Variants in HORMAD2 observed in about 807,000 individuals in gnomAD.
HORMAD2 encodes the protein HORMA domain containing 2.
A neutral mutation model predicts 38.8 loss-of-function variants in HORMAD2; 45 were observed. The ratio of observed to expected loss-of-function variants is 1.16; its 90% CI spans 0.91 to 1.49. HORMAD2 has a LOEUF of 1.49. Among genes scored for constraint, HORMAD2 ranks in the 40% most tolerant of loss-of-function variants. HORMAD2 has a pLI of 0.00. For missense variants in HORMAD2, 338 were observed against 367.0 expected (o/e 0.92, Z 0.65); for synonymous variants, 126 against 122.8 (o/e 1.03, Z -0.17).
chr22:30,199,405 G>T, the HORMAD2 span, among the ~76,000 whole-genome samples: 1 of 152,186 alleles, frequency 6.6e-6, no homozygotes, highest in Non-Finnish European at 1.5e-5. Context: ...TAGAAATGAC[G>T]TTCTGTGCTG....
At chr22:30,140,194 G>A (rs1015076203) in intron 10 of HORMAD2, among the ~76,000 whole-genome samples, 2 of 152,128 alleles carry the variant, frequency 1.3e-5, no homozygotes, top group African/African-American at 2.4e-5. Context: ...AACCTGGGAA[G>A]CAGAGGTTGC....
At chr22:30,105,829 A>G (rs553731699) in intron 5 of HORMAD2, among the ~76,000 whole-genome samples, 5 of 152,196 alleles carry the variant, frequency 3.3e-5, no homozygotes, top group Non-Finnish European at 5.9e-5. Flanking sequence ...CCCCATCAAT[A>G]TCCTCCCCAT....
chr22:30,204,903 C>G, the HORMAD2 span, among the ~76,000 whole-genome samples: 1 of 152,180 alleles, frequency 6.6e-6, no homozygotes, highest in African/African-American at 2.4e-5. Context: ...TTGGCACGAG[C>G]TCTGAGAGCC....
At chr22:30,079,719 G>T (rs1269744077), upstream of HORMAD2, among the ~76,000 whole-genome samples, 2 of 151,838 alleles carry the variant, frequency 1.3e-5, no homozygotes, top group South Asian at 2.1e-4. Flanking sequence ...TCGCTCTGTC[G>T]CCCAGGCTGG....
chr22:30,206,862 G>A, the HORMAD2 span: 2 of 324,098 alleles, frequency 6.2e-6, no homozygotes, highest in South Asian at 4.8e-5. Context: ...GCTTCCACCA[G>A]GGCCACTGTG....
the HORMAD2 span, chr22:30,192,331 A>T: frequency 6.6e-6 from 1 of 152,344 alleles, no homozygotes; most frequent in Non-Finnish European, 1.5e-5. Flanking sequence ...GGAGGGAGTG[A>T]ATTTTGAGCT....
At chr22:30,171,489 AATATATC>A (rs919137109) in intron 10 of HORMAD2, among the ~76,000 whole-genome samples, 2 of 152,208 alleles carry the variant, frequency 1.3e-5, no homozygotes, top group Admixed American at 1.3e-4. Context: ...CTACCTGCCA[AATATATC>A]TCTCAATTTT....
intron 10 of HORMAD2, chr22:30,137,661 C>T (rs1395430687): frequency 6.3e-6 from 1 of 159,602 alleles, no homozygotes; most frequent in Non-Finnish European, 1.4e-5. Flanking sequence ...TCATAAAGTG[C>T]TTGTTCTTGC....
chr22:30,104,498 G>T (rs1921040448), intron 5 of HORMAD2, 61 bp downstream of exon 5: 2 of 1,349,958 alleles, frequency 1.5e-6, no homozygotes, highest in Non-Finnish European at 2.1e-6. Flanking sequence ...TTTAAAAAAA[G>T]AAATTAGACA....
At chr22:30,143,713 A>G (rs576937230) in intron 10 of HORMAD2, among the ~76,000 whole-genome samples, 3 of 152,110 alleles carry the variant, frequency 2.0e-5, no homozygotes, top group Non-Finnish European at 2.9e-5. Flanking sequence ...TGGGATAATG[A>G]TGGTTGATAT....
chr22:30,157,134 C>T (rs1470131168), intron 10 of HORMAD2, among the ~76,000 whole-genome samples: 1 of 152,158 alleles, frequency 6.6e-6, no homozygotes, highest in Non-Finnish European at 1.5e-5. Flanking sequence ...CATCTGTATC[C>T]TCTTGGAGAC....
At chr22:30,183,722 T>C in the HORMAD2 span, among the ~76,000 whole-genome samples, 1 of 152,092 alleles carries the variant, frequency 6.6e-6, no homozygotes, top group Non-Finnish European at 1.5e-5. Flanking sequence ...TATAAGAAAA[T>C]ATTCAGACCC....
chr22:30,110,383 C>CTTTTTT (rs10712471), intron 5 of HORMAD2, among the ~76,000 whole-genome samples: 1 of 103,326 alleles, frequency 9.7e-6, no homozygotes, highest in Non-Finnish European at 1.8e-5. Flanking sequence ...TGAGCATATA[C>CTTTTTT]TTTTTTTTTT....
chr22:30,184,764 C>T, the HORMAD2 span: 1 of 152,110 alleles, frequency 6.6e-6, no homozygotes, highest in Non-Finnish European at 1.5e-5. Context: ...CAGTATGGTC[C>T]ATTTTCACAC....
chr22:30,128,734 T>C lies in HORMAD2; in HGVS notation c.819+6520T>C, dbSNP rs117691168. ...ACTACTTAAACCTGGTTGCCTTGTG[T>C]GGGGGTGAGCTCCAGTGTCACCAGC... On this transcript the variant is annotated intron_variant, in intron 10 of 10. Coordinates refer to ENST00000336726, the MANE Select transcript of HORMAD2 (RefSeq NM_152510.4). Among the ~76,000 whole-genome samples, 152 of 152,200 alleles carry C rather than the reference T, an allele frequency of 1.0e-3. 2 individuals are homozygous for C. In the South Asian group the frequency reaches 0.015, roughly 15 times the overall value.
At chr22:30,172,556 C>T (rs1926173338) in intron 10 of HORMAD2, among the ~76,000 whole-genome samples, 1 of 152,090 alleles carries the variant, frequency 6.6e-6, no homozygotes, top group Admixed American at 6.6e-5. Context: ...AATTAAAGAG[C>T]ATCTACCAGA....
chr22:30,125,278 A>T (rs1922781385), intron 10 of HORMAD2, among the ~76,000 whole-genome samples: 1 of 108,464 alleles, frequency 9.2e-6, no homozygotes. Context: ...AGCAGGCCTG[A>T]GTGCAATGGC....
intron 10 of HORMAD2, among the ~76,000 whole-genome samples, chr22:30,131,846 T>C (rs1428683417): frequency 2.0e-5 from 3 of 152,224 alleles, no homozygotes; most frequent in Admixed American, 1.3e-4. Flanking sequence ...TATAACAATA[T>C]GTAGTTTACC....
chr22:30,125,521 C>T (rs373829641), intron 10 of HORMAD2, among the ~76,000 whole-genome samples: 32 of 151,988 alleles, frequency 2.1e-4, no homozygotes, highest in African/African-American at 7.5e-4. Flanking sequence ...AGCCACTGTG[C>T]CTGGCTCATC....
Sources: allele counts gnomAD v4.1 joint callset (sites outside exome capture counted in the v4.1 genomes callset), GRCh38; gene constraint gnomAD v4.1.1; transcripts MANE v1.5; gene names NCBI Gene and HGNC (gene_info 2026-07-23, HGNC 2026-07-21).